ENPP7: variants seen among roughly 807,000 people sequenced by gnomAD.
ENPP7 encodes the protein ectonucleotide pyrophosphatase/phosphodiesterase family member 7.
A neutral mutation model predicts 33.6 loss-of-function variants in ENPP7; 39 were observed. That is an observed-to-expected ratio of 1.16 (90% CI 0.90 to 1.52). The LOEUF is 1.52. Ranked by LOEUF, ENPP7 falls within the 40% of genes most tolerant of loss-of-function variation. The pLI, the probability that ENPP7 is intolerant of heterozygous loss-of-function variation, is 0.00. For synonymous variants in ENPP7, 244 were observed against 274.3 expected (o/e 0.89, Z 1.09); for missense variants, 594 against 641.0 (o/e 0.93, Z 0.79).
chr17:79,731,869 G>T (rs780470842), intron 1 of ENPP7, among the ~76,000 whole-genome samples: 7 of 152,058 alleles, frequency 4.6e-5, no homozygotes, highest in Non-Finnish European at 1.0e-4. Context: ...AGGCTGAGGC[G>T]GGCGGATCAC....
chr17:79,731,135 C>A lies in ENPP7; in HGVS notation c.-5C>A, dbSNP rs782216409. On this transcript the variant is annotated 5_prime_UTR_variant, in exon 1 of 6. Coordinates refer to ENST00000328313, the MANE Select transcript of ENPP7 (RefSeq NM_178543.5). ...CTGTGTGCCTGTCCATCTGGAAGGC[C>A]CAGCATGAGAGGCCCGGCCGTCCTC... 2.8e-5 allele frequency: 45 copies of A among 1,605,218 alleles called. No individual in the cohort carries two copies. The highest frequency in any genetic ancestry group is 3.8e-5 in the Non-Finnish European group (45 of 1,177,816).
rs782606972 is a variant in ENPP7 at position 79,735,205 on chromosome 17, C to T, written c.562C>T (p.Leu188=). Residue 188 remains leucine, a synonymous_variant, in exon 3 of 6, where the codon CTG becomes TTG. Coordinates refer to ENST00000328313, the MANE Select transcript of ENPP7 (RefSeq NM_178543.5). This position sits in a 1 kb window ranked among gnomAD's most constrained non-coding sequence, Gnocchi z 5.5. ...TVMAWFTEED[L]DLVTLYFGEP... Reference sequence around the variant, plus strand: ...GATGGCGTGGTTCACAGAGGAGGACCTGGATCTGGTCACACTCTACTTCGG... The same window carrying T: ...GATGGCGTGGTTCACAGAGGAGGACTTGGATCTGGTCACACTCTACTTCGG... 6.8e-6 allele frequency: 11 copies of T among 1,613,276 alleles called. No individual in the cohort carries two copies. The highest frequency in any genetic ancestry group is 5.0e-5 in the Admixed American group (3 of 60,000).
rs553868802 is a variant in ENPP7 at position 79,731,154 on chromosome 17, C to T, written c.15C>T (p.Ala5=). 28 of 1,609,092 alleles carry T rather than the reference C, an allele frequency of 1.7e-5. No individual in the cohort carries two copies. The East Asian group carries it at 2.7e-4, about 15-fold the overall frequency. Residue 5 remains alanine, a synonymous_variant, in exon 1 of 6, where the codon GCC becomes GCT. Transcript: ENST00000328313. MRGP[A]VLLTVALATL... Reference sequence around the variant, plus strand: ...GAAGGCCCAGCATGAGAGGCCCGGCCGTCCTCCTCACTGTGGCTCTGGCCA... The same window carrying T: ...GAAGGCCCAGCATGAGAGGCCCGGCTGTCCTCCTCACTGTGGCTCTGGCCA...
Position 79,737,188 on chromosome 17 carries a change from T to C in ENPP7, c.1174T>C (p.Cys392Arg). 6.2e-7 allele frequency: 1 copy of C among 1,613,382 alleles called. No homozygotes were observed. Among genetic ancestry groups the C allele is most frequent in the African/African-American group, 1.3e-5 (1 of 75,056 alleles). The change falls in exon 4 of 6, where the codon TGC (cysteine) becomes CGC (arginine). Residue 392 changes from cysteine (C) to arginine (R), a missense_variant. Transcript: ENST00000328313. This position sits in a 1 kb window ranked among gnomAD's most constrained non-coding sequence, Gnocchi z 5.5. ...FESVHVYELM[C>R]RLLGIVPEAN... ...GAGCGTCCACGTGTACGAGCTCATGTGCCGGCTGCTGGGCATCGTGCCCGA... is the reference window on the plus strand; with the variant it reads ...GAGCGTCCACGTGTACGAGCTCATGCGCCGGCTGCTGGGCATCGTGCCCGA...
Position 79,731,044 on chromosome 17 carries a change from G to T in ENPP7, c.-96G>T. On this transcript the variant is annotated 5_prime_UTR_variant, in exon 1 of 6. Transcript: ENST00000328313. The stretch of plus-strand genomic sequence containing the variant: ...GCACAGCCACATTCCAAAGGCGCAC[G>T]GGATGAGATCAGCCCGGGTGACCCT... 7.3e-7 allele frequency: 1 copy of T among 1,365,822 alleles called. No individual in the cohort carries two copies. The highest frequency in any genetic ancestry group is 2.5e-5 in the East Asian group (1 of 40,248). The allele number at this position is 1,365,822 out of a possible 1,614,324, so 84.6% of individuals were successfully genotyped here.
At chr17:79,732,076 T>G in intron 1 of ENPP7, among the ~76,000 whole-genome samples, 1 of 121,312 alleles carries the variant, frequency 8.2e-6, no homozygotes, top group Admixed American at 9.3e-5. Flanking sequence ...CCAGCCTGGG[T>G]GACAAAGCAA....
At chr17:79,733,415 G>A (rs2094289786) in intron 1 of ENPP7, 93 bp from the exon 2 acceptor site, 4 of 1,342,580 alleles carry the variant, frequency 3.0e-6, no homozygotes, top group Non-Finnish European at 3.1e-6. Flanking sequence ...GGGAAACCTG[G>A]GCTGTTTTGA....
At position 79,731,057 on chromosome 17, in the gene ENPP7, C is replaced by T; in HGVS notation, c.-83C>T. The T allele has an allele frequency of 6.9e-7, 1 of 1,443,880 alleles. No individual in the cohort carries two copies. Among genetic ancestry groups the T allele is most frequent in the Non-Finnish European group, 9.2e-7 (1 of 1,083,200 alleles). The allele number at this position is 1,443,880 out of a possible 1,614,324, so 89.4% of individuals were successfully genotyped here. On this transcript the variant is annotated 5_prime_UTR_variant, in exon 1 of 6. Coordinates refer to ENST00000328313, the MANE Select transcript of ENPP7 (RefSeq NM_178543.5). ...CCAAAGGCGCACGGGATGAGATCAGCCCGGGTGACCCTGGGACTTTGTCCT... is the reference window on the plus strand; with the variant it reads ...CCAAAGGCGCACGGGATGAGATCAGTCCGGGTGACCCTGGGACTTTGTCCT...
At position 79,739,960 on chromosome 17, in the gene ENPP7, C is replaced by T. The variant is rs77844722; in HGVS notation, c.*17-1834C>T. Among the ~76,000 whole-genome samples the T allele has an allele frequency of 0.054, 8,186 of 152,220 alleles. 314 individuals carry two copies. The highest frequency in any genetic ancestry group is 0.099 in the Middle Eastern group (29 of 294). On this transcript the variant is annotated intron_variant, in intron 5 of 5. Transcript: ENST00000328313. This position sits in a 1 kb window ranked among gnomAD's most constrained non-coding sequence, Gnocchi z 4.4. ...GAACCCCAGTACTTCCAGAGGCCGA[C>T]GCAGGAGGATCGCTTGAGCCCAGGA...
Position 79,737,872 on chromosome 17 carries a change from G to A in ENPP7, c.1247-44G>A, listed in dbSNP as rs372832643. On this transcript the variant is annotated intron_variant, in intron 4 of 5. Coordinates refer to ENST00000328313, the MANE Select transcript of ENPP7 (RefSeq NM_178543.5). The surrounding 1 kb of genome is among the most constrained non-coding windows in gnomAD (Gnocchi z 5.5). ...GTTTACTGTGGAGAGGCTGGGGTGA[G>A]GAGCCATCCCTCTCTCCCTCACAGG... 4.4e-6 allele frequency: 7 copies of A among 1,607,488 alleles called. No individual in the cohort carries two copies. The highest frequency in any genetic ancestry group is 1.7e-5 in the Admixed American group (1 of 59,956).
chr17:79,733,710 G>T, intron 2 of ENPP7, 57 bp downstream of exon 2: 1 of 1,522,812 alleles, frequency 6.6e-7, no homozygotes, highest in Non-Finnish European at 8.8e-7. Context: ...CTAGGCCCAG[G>T]TGAGGCTTGG....
chr17:79,737,943 C>A lies in ENPP7; in HGVS notation c.1274C>A (p.Pro425His). 1 of 1,613,890 alleles carries A rather than the reference C, an allele frequency of 6.2e-7. No individual in the cohort carries two copies. The highest frequency in any genetic ancestry group is 2.2e-5 in the East Asian group (1 of 44,884). Residue 425 changes from proline to histidine, a missense_variant, in exon 5 of 6, where the codon CCT (proline) becomes CAT (histidine). By Grantham distance (77) the Pro-to-His change is moderately conservative. Around this residue, in one of 3 missense-constraint regions of ENPP7, gnomAD observed 504 missense variants for 512.8 expected, o/e 0.98. Transcript: ENST00000328313. The surrounding 1 kb of genome is among the most constrained non-coding windows in gnomAD (Gnocchi z 5.5). ...TCTGCTCTTCCGCCTGATGGAAGGC[C>A]TACTCTCCTGCCCAAGGGAAGATCT... is the stretch of plus-strand genomic sequence containing the variant. ...TESALPPDGRPTLLPKGRSAL... is the reference protein window; with the variant it reads ...TESALPPDGRHTLLPKGRSAL...
At position 79,737,272 on chromosome 17, in the gene ENPP7, G is replaced by A. The variant is rs782666616; in HGVS notation, c.1246+12G>A. On this transcript the variant is annotated intron_variant, in intron 4 of 5. Transcript: ENST00000328313. This position sits in a 1 kb window ranked among gnomAD's most constrained non-coding sequence, Gnocchi z 5.5. ...CATGCTGCACACAGGTGAGGGCAGG[G>A]TGCCCCAAATCCCCGCCTGCTCTGG... The A allele has an allele frequency of 8.8e-6, 14 of 1,584,548 alleles. No homozygotes were observed. The highest frequency in any genetic ancestry group is 1.2e-5 in the Non-Finnish European group (14 of 1,169,654).
rs782739489 is a variant in ENPP7, at chr17:79,735,113, G to C, written c.470G>C (p.Ser157Thr). Residue 157 changes from serine (S) to threonine (T), a missense_variant, in exon 3 of 6, where the codon AGC becomes ACC. Ser to Thr is a moderately conservative substitution (Grantham distance 58, BLOSUM62 1). Around this residue, in one of 3 missense-constraint regions of ENPP7, gnomAD observed 504 missense variants for 512.8 expected, o/e 0.98. Coordinates refer to ENST00000328313, the MANE Select transcript of ENPP7 (RefSeq NM_178543.5). This position sits in a 1 kb window ranked among gnomAD's most constrained non-coding sequence, Gnocchi z 5.5. Reference sequence around the variant, plus strand: ...TACCAAGGGGTGGCTGTGACGCGGAGCCGGAAAGAAGGCATCGCACACAAC... The same window carrying C: ...TACCAAGGGGTGGCTGTGACGCGGACCCGGAAAGAAGGCATCGCACACAAC... ...VTYQGVAVTR[S>T]RKEGIAHNYK... is the part of the protein sequence containing the mutation. The C allele has an allele frequency of 6.2e-7, 1 of 1,613,090 alleles. No homozygotes were observed. The highest frequency in any genetic ancestry group is 2.2e-5 in the East Asian group (1 of 44,876).
intron 1 of ENPP7, among the ~76,000 whole-genome samples, chr17:79,732,908 T>G (rs147350806): frequency 0.015 from 2,247 of 152,324 alleles, 53 homozygotes; most frequent in African/African-American, 0.051. Context: ...AACGGAGGTG[T>G]GCGGGTCTCC....
chr17:79,738,046 A>G lies in ENPP7; in HGVS notation c.1377A>G (p.Ter459=), dbSNP rs782647945. The part of the protein sequence containing the change: ...GTVILLSEVA[*] Reference sequence around the variant, plus strand: ...TGATTCTTCTGTCTGAGGTCGCATAACGCCCCATGGCTCAAGGTCAGAGAC... The same window carrying G: ...TGATTCTTCTGTCTGAGGTCGCATAGCGCCCCATGGCTCAAGGTCAGAGAC... Residue 459 remains the stop codon, a stop_retained_variant, in exon 5 of 6, where the codon TAA becomes TAG. Transcript: ENST00000328313. This position sits in a 1 kb window ranked among gnomAD's most constrained non-coding sequence, Gnocchi z 6.2. The G allele has an allele frequency of 6.2e-7, 1 of 1,610,214 alleles. No individual in the cohort carries two copies. Among genetic ancestry groups the G allele is most frequent in the South Asian group, 1.1e-5 (1 of 91,074 alleles).
In ENPP7 at chr17:79,737,030, C is replaced by T. The variant is rs781969616; in HGVS notation, c.1027-11C>T. On this transcript the variant is annotated splice_polypyrimidine_tract_variant and intron_variant, in intron 3 of 5. Transcript: ENST00000328313. This position sits in a 1 kb window ranked among gnomAD's most constrained non-coding sequence, Gnocchi z 5.5. Reference sequence around the variant, plus strand: ...AGCAAGGACCCAGGACCCTTGCCCGCTCCCCGGCAGAGAATTAACGTCCAG... The same window carrying T: ...AGCAAGGACCCAGGACCCTTGCCCGTTCCCCGGCAGAGAATTAACGTCCAG... The T allele has an allele frequency of 6.2e-7, 1 of 1,613,486 alleles. No homozygotes were observed. Among genetic ancestry groups the T allele is most frequent in the South Asian group, 1.1e-5 (1 of 91,082 alleles).
intron 5 of ENPP7, among the ~76,000 whole-genome samples, chr17:79,741,169 T>A (rs1180721192): frequency 6.6e-6 from 1 of 152,022 alleles, no homozygotes; most frequent in Non-Finnish European, 1.5e-5. Flanking sequence ...ATTTTTAATT[T>A]AAAAAAAGAA....
chr17:79,735,727 TC>T lies in ENPP7; in HGVS notation c.1026+59del. 2.0e-6 allele frequency: 3 copies of T among 1,472,302 alleles called. No individual in the cohort carries two copies. The highest frequency in any genetic ancestry group is 1.3e-5 in the South Asian group (1 of 75,070). 91.2% of individuals were successfully genotyped at this position (1,472,302 alleles called of 1,614,324 possible). Reference sequence around the variant, plus strand: ...GGCTCCCTCCCCAGGCTCTGGGTCTTCTTTTTTTTTTTTTGAGACCAGGGTC... The same window carrying T: ...GGCTCCCTCCCCAGGCTCTGGGTCTTTTTTTTTTTTTTTGAGACCAGGGTC... On this transcript the variant is annotated intron_variant, in intron 3 of 5. Coordinates refer to ENST00000328313, the MANE Select transcript of ENPP7 (RefSeq NM_178543.5). The surrounding 1 kb of genome is among the most constrained non-coding windows in gnomAD (Gnocchi z 5.5).
Sources: allele counts gnomAD v4.1 joint callset (sites outside exome capture counted in the v4.1 genomes callset), GRCh38; gene constraint gnomAD v4.1.1; regional missense constraint gnomAD v4.1.1; non-coding constraint Gnocchi (gnomAD v3.1); transcripts MANE v1.5; gene names NCBI Gene and HGNC (gene_info 2026-07-23, HGNC 2026-07-21).